The following ATP11A variants were observed in gnomAD, a reference collection of about 807,000 sequenced individuals.
The protein encoded by ATP11A is phospholipid-transporting ATPase IH.
In ATP11A, 81 loss-of-function variants were observed where a neutral mutation model predicts 154.4. The ratio of observed to expected loss-of-function variants is 0.52; its 90% CI spans 0.44 to 0.63. ATP11A has a LOEUF of 0.63. Ranked by LOEUF, ATP11A falls within the 30% of genes least tolerant of loss-of-function variation. The probability of loss-of-function intolerance (pLI) is 0.00; values close to 1 mark genes in which losing one functional copy is unlikely to be tolerated. For missense variants in ATP11A, 1,316 were observed against 1,474.3 expected, an observed-to-expected ratio of 0.89 and a Z score of 1.76; for synonymous variants, 623 against 585.9, an observed-to-expected ratio of 1.06 and a Z score of -0.91.
intron 1 of ATP11A, among the ~76,000 whole-genome samples, chr13:112,724,689 GC>G (rs372146883): frequency 8.0e-5 from 12 of 150,070 alleles, no homozygotes; most frequent in Non-Finnish European, 1.3e-4. Context: ...GGTGAGGCCG[GC>G]CCCCCCCCAG....
At chr13:112,762,902 T>G (rs2076995364) in intron 1 of ATP11A, among the ~76,000 whole-genome samples, 1 of 152,226 alleles carries the variant, frequency 6.6e-6, no homozygotes, top group South Asian at 2.1e-4. Flanking sequence ...GCTCCTGAGC[T>G]CTGAGTGAGG....
intron 1 of ATP11A, among the ~76,000 whole-genome samples, chr13:112,730,859 C>T (rs1005904454): frequency 1.3e-4 from 20 of 152,136 alleles, no homozygotes; most frequent in Non-Finnish European, 2.1e-4. Flanking sequence ...GGCAGCAGGT[C>T]GGTGGCAGGG....
At chr13:112,806,847 G>A (rs377310916) in intron 4 of ATP11A, among the ~76,000 whole-genome samples, 7 of 152,188 alleles carry the variant, frequency 4.6e-5, no homozygotes, top group Admixed American at 2.6e-4. Context: ...TTCTGTCACC[G>A]TAGAGTCGCC....
intron 12 of ATP11A, among the ~76,000 whole-genome samples, chr13:112,829,541 G>T (rs1317263144): frequency 2.0e-5 from 3 of 152,096 alleles, no homozygotes; most frequent in African/African-American, 7.2e-5. Context: ...CAAATTTTAG[G>T]TATAGAGGAA....
intron 24 of ATP11A, among the ~76,000 whole-genome samples, chr13:112,861,188 C>A (rs927074285): frequency 5.3e-5 from 8 of 152,160 alleles, no homozygotes; most frequent in African/African-American, 1.7e-4. Flanking sequence ...GAAAAAACCA[C>A]CCCCATGACT....
chr13:112,784,974 C>T (rs2077587531), intron 1 of ATP11A, among the ~76,000 whole-genome samples, 161 bp from the exon 2 acceptor site: 1 of 152,206 alleles, frequency 6.6e-6, no homozygotes, highest in Non-Finnish European at 1.5e-5. Context: ...TGGCTCGGGC[C>T]TGGGGTGCTG....
At chr13:112,786,645 T>C (rs559735619) in intron 2 of ATP11A, among the ~76,000 whole-genome samples, 1 of 137,156 alleles carries the variant, frequency 7.3e-6, no homozygotes, top group Non-Finnish European at 1.5e-5. Flanking sequence ...TAAACTGTGC[T>C]TTCCAGGTAA....
At chr13:112,864,304 C>T (rs867786790) in intron 25 of ATP11A, among the ~76,000 whole-genome samples, 19 of 76,908 alleles carry the variant, frequency 2.5e-4, no homozygotes, top group African/African-American at 6.3e-4. Context: ...ATGCAGCTTC[C>T]CAGCGGGGTC....
At chr13:112,846,722 C>T (rs1247272887) in intron 17 of ATP11A, among the ~76,000 whole-genome samples, 1 of 152,218 alleles carries the variant, frequency 6.6e-6, no homozygotes, top group African/African-American at 2.4e-5. Context: ...TGCCTGTGGG[C>T]TTTGTTGGAT....
chr13:112,787,636 A>G (rs371198790), intron 2 of ATP11A, among the ~76,000 whole-genome samples: 47 of 41,564 alleles, frequency 1.1e-3, no homozygotes, highest in African/African-American at 1.2e-3. Flanking sequence ...ATTCACACCA[A>G]GTGTCCTGAT....
intron 2 of ATP11A, among the ~76,000 whole-genome samples, chr13:112,798,830 A>G (rs1333600540): frequency 6.6e-6 from 1 of 152,280 alleles, no homozygotes; most frequent in Non-Finnish European, 1.5e-5. Context: ...AGCTATATTA[A>G]TAATCACTTT....
chr13:112,802,354 A>G (rs1335576044), intron 2 of ATP11A, among the ~76,000 whole-genome samples: 1 of 152,168 alleles, frequency 6.6e-6, no homozygotes, highest in African/African-American at 2.4e-5. Flanking sequence ...TCACAAAAAA[A>G]AAAGAAAAGA....
intron 12 of ATP11A, 53 bp downstream of exon 12, chr13:112,826,944 G>GCTTCA: frequency 6.3e-7 from 1 of 1,586,486 alleles, no homozygotes; most frequent in Non-Finnish European, 8.6e-7. Context: ...GGGTGAGTCT[G>GCTTCA]CTTCACGTTC....
In ATP11A at chr13:112,886,605, GC is replaced by G. The variant is rs551496084; in HGVS notation, c.*4741del. 5.2e-4 allele frequency: 79 copies of G among 152,504 alleles called. No homozygotes were observed. Among genetic ancestry groups the G allele is most frequent in the African/African-American group, 1.9e-3 (77 of 41,498 alleles). 9.4% of individuals were successfully genotyped at this position (152,504 alleles called of 1,614,324 possible). On this transcript the variant is annotated 3_prime_UTR_variant, in exon 30 of 30. Transcript: ENST00000375645. ...CTTTCTGATGTTGTGTCTATAAGCAGCCTTGATGGGATATGTTAGAAGTGTC... is the reference window on the plus strand; with the variant it reads ...CTTTCTGATGTTGTGTCTATAAGCAGCTTGATGGGATATGTTAGAAGTGTC...
chr13:112,813,479 G>A (rs182022034), intron 5 of ATP11A, among the ~76,000 whole-genome samples: 17 of 152,320 alleles, frequency 1.1e-4, no homozygotes, highest in Non-Finnish European at 4.4e-5. Context: ...GTTCCATGAT[G>A]GGGGCGTACT....
rs1275247963 is a variant in ATP11A, at chr13:112,851,089, A to G, written c.1862A>G (p.Tyr621Cys). Residue 621 changes from tyrosine (Y) to cysteine (C), a missense_variant, in exon 18 of 30, where the codon TAT becomes TGT. Physicochemically the swap from Tyr to Cys is radical, Grantham distance 194 (BLOSUM62 -2). Transcript: ENST00000375645. ...TATAAAAGGCTGATCCAAGAAGAAT[A>G]TGAAGGCATTTGTAAGCTGCTGCAG... ...VAYKRLIQEE[Y>C]EGICKLLQAA... 6.2e-7 allele frequency: 1 copy of G among 1,614,238 alleles called. No homozygotes were observed. Among genetic ancestry groups the G allele is most frequent in the Non-Finnish European group, 8.5e-7 (1 of 1,180,034 alleles).
At chr13:112,722,991 G>A (rs947242843) in intron 1 of ATP11A, among the ~76,000 whole-genome samples, 1 of 152,022 alleles carries the variant, frequency 6.6e-6, no homozygotes, top group Non-Finnish European at 1.5e-5. Flanking sequence ...GATTAAAGGA[G>A]TAAGGTTCTA....
chr13:112,819,289 C>CTT lies in ATP11A; in HGVS notation c.571-14_571-13dup. 6.2e-7 allele frequency: 1 copy of CTT among 1,612,460 alleles called. No homozygotes were observed. The highest frequency in any genetic ancestry group is 8.5e-7 in the Non-Finnish European group (1 of 1,178,740). Reference sequence around the variant, plus strand: ...CCGTTTTGGCGGTGAGCTCACATGTCTTGTGCATTTGTAGACGCATTACGC... The same window carrying CTT: ...CCGTTTTGGCGGTGAGCTCACATGTCTTTTGTGCATTTGTAGACGCATTACGC... On this transcript the variant is annotated splice_polypyrimidine_tract_variant and intron_variant, in intron 6 of 29. Coordinates refer to ENST00000375645, the MANE Select transcript of ATP11A (RefSeq NM_015205.3).
chr13:112,804,018 CT>C (rs777541438), intron 2 of ATP11A, among the ~76,000 whole-genome samples: 459 of 12,034 alleles, frequency 0.038, 11 homozygotes, highest in Non-Finnish European at 0.043. Flanking sequence ...ACCTCCCTCC[CT>C]GCCATCCCCT....
Sources: gnomAD v4.1 joint callset for allele counts (sites outside exome capture counted in the v4.1 genomes callset) on GRCh38, gnomAD v4.1.1 for gene constraint, MANE v1.5 for transcripts, NCBI Gene and HGNC (gene_info 2026-07-23, HGNC 2026-07-21) for gene names.